The following EBF1 variants were observed in gnomAD, a reference collection of about 807,000 sequenced individuals.
The protein encoded by EBF1 is transcription factor COE1.
EBF1 carries 10 observed loss-of-function variants against 68.4 expected under a neutral mutation model. That is an observed-to-expected ratio of 0.15 (90% CI 0.09 to 0.25). EBF1 has a LOEUF of 0.25. EBF1 is among the 10% of genes least tolerant of loss of function. The pLI is 1.00. For missense variants in EBF1, 509 were observed against 794.4 expected, an observed-to-expected ratio of 0.64 and a Z score of 4.32; for synonymous variants, 298 against 299.8, an observed-to-expected ratio of 0.99 and a Z score of 0.06.
intron 10 of EBF1, among the ~76,000 whole-genome samples, chr5:158,737,517 C>CTCGT (rs1765476631): frequency 6.6e-6 from 1 of 151,906 alleles, no homozygotes; most frequent in Admixed American, 6.6e-5. Context: ...ATCTCCTGAC[C>CTCGT]TCGTGATCCG....
chr5:158,763,601 A>T (rs1340602028), intron 10 of EBF1, among the ~76,000 whole-genome samples: 1 of 152,212 alleles, frequency 6.6e-6, no homozygotes, highest in African/African-American at 2.4e-5. Flanking sequence ...ACATATTGGA[A>T]GGTCCAAGGA....
At chr5:158,885,921 T>C (rs1410198251) in intron 6 of EBF1, among the ~76,000 whole-genome samples, 2 of 152,208 alleles carry the variant, frequency 1.3e-5, no homozygotes, top group Non-Finnish European at 2.9e-5. Context: ...AAGTACCTGT[T>C]GAAATTGCTT....
intron 11 of EBF1, among the ~76,000 whole-genome samples, chr5:158,717,586 A>C (rs556080218): frequency 6.6e-6 from 1 of 152,034 alleles, no homozygotes; most frequent in Non-Finnish European, 1.5e-5. Context: ...TTTCAAACAT[A>C]AGAGTGGATA....
chr5:158,807,438 A>G (rs548712462), intron 8 of EBF1, among the ~76,000 whole-genome samples: 3 of 152,234 alleles, frequency 2.0e-5, no homozygotes, highest in South Asian at 2.1e-4. Context: ...AGCTCTTCTG[A>G]TTATAAAAGA....
chr5:158,813,528 G>A (rs1783115571), intron 8 of EBF1, among the ~76,000 whole-genome samples: 1 of 152,174 alleles, frequency 6.6e-6, no homozygotes, highest in Non-Finnish European at 1.5e-5. Context: ...GGCCAAGGTG[G>A]AGGGAAATTG....
chr5:158,881,598 A>T (rs1385288746), intron 6 of EBF1, among the ~76,000 whole-genome samples: 1 of 152,172 alleles, frequency 6.6e-6, no homozygotes, highest in African/African-American at 2.4e-5. Context: ...GCAGACATTC[A>T]CCAGATTCTA....
chr5:159,055,286 C>T (rs1774538361), intron 6 of EBF1, among the ~76,000 whole-genome samples: 4 of 152,164 alleles, frequency 2.6e-5, no homozygotes, highest in African/African-American at 7.2e-5. Context: ...GGATTAAAGT[C>T]ATTGAGAGAG....
intron 6 of EBF1, among the ~76,000 whole-genome samples, chr5:158,944,432 T>C (rs1415580245): frequency 6.6e-6 from 1 of 152,164 alleles, no homozygotes; most frequent in East Asian, 1.9e-4. Flanking sequence ...TATTCCATGG[T>C]GTATATGTGC....
chr5:159,014,135 A>AT (rs1280364961), intron 6 of EBF1, among the ~76,000 whole-genome samples: 2 of 152,236 alleles, frequency 1.3e-5, no homozygotes, highest in African/African-American at 4.8e-5. Context: ...ATTATCTTTT[A>AT]TTATTTCTTC....
In EBF1 at chr5:158,697,223, T is replaced by C. The variant is rs1755910225; in HGVS notation, c.*1888A>G. The C allele has an allele frequency of 5.5e-6, 1 of 182,860 alleles. No homozygotes were observed. Among genetic ancestry groups the C allele is most frequent in the Non-Finnish European group, 1.1e-5 (1 of 88,344 alleles). 11.3% of individuals were successfully genotyped at this position (182,860 alleles called of 1,614,324 possible). A position where few individuals can be genotyped will look rare whatever the true frequency, so the allele number is the denominator to read the frequency against. On this transcript the variant is annotated 3_prime_UTR_variant, in exon 16 of 16. Coordinates refer to ENST00000313708, the MANE Select transcript of EBF1 (RefSeq NM_024007.5). ...GTAAGCTTCCAAAGCAAAGGATACA[T>C]TTTTTTTTAAATCTACTGAACTAAA...
At chr5:159,055,858 C>CA (rs1774641744) in intron 6 of EBF1, among the ~76,000 whole-genome samples, 3 of 152,184 alleles carry the variant, frequency 2.0e-5, no homozygotes, top group Admixed American at 1.3e-4. Context: ...GGGCAGTCCC[C>CA]AATCTGGGAT....
intron 11 of EBF1, among the ~76,000 whole-genome samples, chr5:158,730,774 A>G (rs1434215967): frequency 6.6e-6 from 1 of 152,198 alleles, no homozygotes; most frequent in South Asian, 2.1e-4. Context: ...CCTTGAGCAA[A>G]TTATTATTTA....
intron 10 of EBF1, among the ~76,000 whole-genome samples, chr5:158,777,013 T>C (rs1775432775): frequency 6.6e-6 from 1 of 152,158 alleles, no homozygotes; most frequent in African/African-American, 2.4e-5. Flanking sequence ...CTACCAATTG[T>C]ATGTAATACA....
In EBF1 at chr5:158,829,376, G is replaced by A. The variant is rs139661281; in HGVS notation, c.637-6059C>T. On this transcript the variant is annotated intron_variant, in intron 7 of 15. Transcript: ENST00000313708. ...TTTTGTATTTTTTTTGTGAAAACAGGGTTTCACCATGTTGCCCAGACTGGT... is the reference window on the plus strand; with the variant it reads ...TTTTGTATTTTTTTTGTGAAAACAGAGTTTCACCATGTTGCCCAGACTGGT... Among the ~76,000 whole-genome samples, 9 of 151,260 alleles carry A rather than the reference G, an allele frequency of 6.0e-5. 1 individual carries two copies. In the East Asian group the frequency reaches 1.7e-3, roughly 29 times the overall value.
chr5:158,927,571 G>A (rs1423440185), intron 6 of EBF1, among the ~76,000 whole-genome samples: 3 of 152,158 alleles, frequency 2.0e-5, no homozygotes, highest in Non-Finnish European at 4.4e-5. Context: ...AAAAAAGAAA[G>A]GCCTTTTTCA....
At chr5:158,992,677 T>C (rs1182307433) in intron 6 of EBF1, among the ~76,000 whole-genome samples, 1 of 152,186 alleles carries the variant, frequency 6.6e-6, no homozygotes, top group Admixed American at 6.5e-5. Flanking sequence ...GTTGTTGCAA[T>C]TGTTTTTTTT....
At chr5:158,899,963 T>C (rs1358254887) in intron 6 of EBF1, among the ~76,000 whole-genome samples, 1 of 152,166 alleles carries the variant, frequency 6.6e-6, no homozygotes, top group Non-Finnish European at 1.5e-5. Flanking sequence ...CTCTTTTGGA[T>C]GGCATCATCG....
chr5:158,698,164 G>A lies in EBF1; in HGVS notation c.*947C>T. On this transcript the variant is annotated 3_prime_UTR_variant, in exon 16 of 16. Coordinates refer to ENST00000313708, the MANE Select transcript of EBF1 (RefSeq NM_024007.5). ...CGAGTAAACTTTAAACTTGCAAATGGGGGAGCGTACGTGAGGTTTTGGCTT... is the reference window on the plus strand; with the variant it reads ...CGAGTAAACTTTAAACTTGCAAATGAGGGAGCGTACGTGAGGTTTTGGCTT... 4.5e-6 allele frequency: 1 copy of A among 221,218 alleles called. No homozygotes were observed. Among genetic ancestry groups the A allele is most frequent in the Non-Finnish European group, 9.1e-6 (1 of 110,456 alleles). 13.7% of individuals were successfully genotyped at this position (221,218 alleles called of 1,614,324 possible). A position where few individuals can be genotyped will look rare whatever the true frequency, so the allele number is the denominator to read the frequency against.
Position 159,050,208 on chromosome 5 carries a change from C to T in EBF1, c.554+23188G>A, listed in dbSNP as rs567459228. 2.7e-5 allele frequency among the ~76,000 whole-genome samples: 4 copies of T among 148,288 alleles called. No individual in the cohort carries two copies. The East Asian group carries it at 8.0e-4, about 30-fold the overall frequency. ...CTCTCTTTTCTCTCTCTCTCCTCTC[C>T]TCCCTCTCTCTCTCCTCTCCTCCCT... On this transcript the variant is annotated intron_variant, in intron 6 of 15. Coordinates refer to ENST00000313708, the MANE Select transcript of EBF1 (RefSeq NM_024007.5).
Sources: gnomAD v4.1 joint callset for allele counts (sites outside exome capture counted in the v4.1 genomes callset) on GRCh38, gnomAD v4.1.1 for gene constraint, MANE v1.5 for transcripts, NCBI Gene and HGNC (gene_info 2026-07-23, HGNC 2026-07-21) for gene names.